EXOC3L1: variants seen among roughly 807,000 people sequenced by gnomAD.
EXOC3L1 encodes exocyst complex component 3 like 1, also known as exocyst complex component 3-like protein.
A neutral mutation model predicts 83.6 loss-of-function variants in EXOC3L1; 79 were observed. That is an observed-to-expected ratio of 0.95 (90% CI 0.79 to 1.14). The LOEUF (loss-of-function observed/expected upper bound fraction) is 1.14, where lower values mean the gene tolerates loss of function less well. Among genes scored for constraint, EXOC3L1 ranks in the 50% most tolerant of loss-of-function variants. The pLI, the probability that EXOC3L1 is intolerant of heterozygous loss-of-function variation, is 0.00. For synonymous variants in EXOC3L1, 433 were observed against 451.2 expected (o/e 0.96, Z 0.51); for missense variants, 945 against 972.0 (o/e 0.97, Z 0.37).
At chr16:67,185,631 C>G in intron 9 of EXOC3L1, 141 bp from the exon 10 acceptor site, 1 of 761,460 alleles carries the variant, frequency 1.3e-6, no homozygotes, top group Non-Finnish European at 2.1e-6. Flanking sequence ...ACTTCTGGTC[C>G]CAGGCATGGA....
rs1175097258 is a variant in EXOC3L1 at position 67,187,716 on chromosome 16, C to T, written c.549G>A (p.Leu183=). 1.2e-6 allele frequency: 2 copies of T among 1,612,984 alleles called. No individual in the cohort carries two copies. The highest frequency in any genetic ancestry group is 1.1e-5 in the South Asian group (1 of 91,094). The change falls in exon 5 of 14, where the codon CTG becomes CTA. Residue 183 remains leucine, a synonymous_variant. Transcript: ENST00000314586. Reference sequence around the variant, plus strand: ...CCAGCCCCTGGAAGACTGGCAACTCCAGGCCCCCCAGGGGTGCCCACGTAT... The same window carrying T: ...CCAGCCCCTGGAAGACTGGCAACTCTAGGCCCCCCAGGGGTGCCCACGTAT... ...REDTWAPLGG[L]ELPVFQGLDL...
At chr16:67,186,727 GCTGC>G (rs2032735763) in intron 7 of EXOC3L1, 28 bp downstream of exon 7, 1 of 1,613,380 alleles carries the variant, frequency 6.2e-7, no homozygotes, top group African/African-American at 1.3e-5. Flanking sequence ...CCCCATGGAG[GCTGC>G]CTGCCTGTCT....
Position 67,185,344 on chromosome 16 carries a change from C to T in EXOC3L1, c.1626+17G>A. On this transcript the variant is annotated intron_variant, in intron 10 of 13. Coordinates refer to ENST00000314586, the MANE Select transcript of EXOC3L1 (RefSeq NM_178516.4). ...ACCTCTCCACCTGCTCCCATCCTGA[C>T]CTGAAGGAGGCCTCACCTGGAGCTC... The T allele has an allele frequency of 6.2e-7, 1 of 1,612,936 alleles. No individual in the cohort carries two copies. The highest frequency in any genetic ancestry group is 1.3e-5 in the African/African-American group (1 of 75,060).
chr16:67,184,977 T>A lies in EXOC3L1; in HGVS notation c.1830A>T (p.Gly610=), dbSNP rs779184172. The A allele has an allele frequency of 6.2e-7, 1 of 1,609,858 alleles. No individual in the cohort carries two copies. The highest frequency in any genetic ancestry group is 1.3e-5 in the African/African-American group (1 of 74,756). ...CGGCCGCCTGGGTCCTCTCGTCGGC[T>A]CCGCGGCACACCAGGCGGCCTTGCA... is the stretch of plus-strand genomic sequence containing the variant. The part of the protein sequence containing the change: ...ALMQGRLVCR[G]ADERTQAAER... The change falls in exon 12 of 14, where the codon GGA becomes GGT. Residue 610 remains glycine (G), a synonymous_variant. Coordinates refer to ENST00000314586, the MANE Select transcript of EXOC3L1 (RefSeq NM_178516.4).
intron 1 of EXOC3L1, 65 bp from the exon 2 acceptor site, chr16:67,189,748 C>T (rs1293039241): frequency 3.3e-6 from 5 of 1,498,220 alleles, no homozygotes; most frequent in Non-Finnish European, 4.6e-6. Flanking sequence ...CTGTGAGCTG[C>T]TGCCTCTGTC....
Position 67,189,680 on chromosome 16 carries a change from G to A in EXOC3L1, c.-4C>T. 1 of 1,613,976 alleles carries A rather than the reference G, an allele frequency of 6.2e-7. No homozygotes were observed. Among genetic ancestry groups the A allele is most frequent in the Non-Finnish European group, 8.5e-7 (1 of 1,179,942 alleles). On this transcript the variant is annotated 5_prime_UTR_variant, in exon 2 of 14. Coordinates refer to ENST00000314586, the MANE Select transcript of EXOC3L1 (RefSeq NM_178516.4). ...CATCCTTGGCTGCTGAGTCCATTGT[G>A]GGCCTGGAGGAGCCAGAGCTGAGGT...
At position 67,188,888 on chromosome 16, in the gene EXOC3L1, G is replaced by T. The variant is rs530101148; in HGVS notation, c.260C>A (p.Ala87Asp). The T allele has an allele frequency of 3.9e-5, 63 of 1,613,004 alleles. No homozygotes were observed. The South Asian group carries it at 6.8e-4, about 17-fold the overall frequency. The stretch of plus-strand genomic sequence containing the variant: ...TCCCTGCACCACCTCAATGGCCTGG[G>T]CCAGCTGCCACACACCAGTCTGCAC... Reference protein sequence around the residue: ...EGVQTGVWQLAQAIEVVQGTR... With the variant: ...EGVQTGVWQLDQAIEVVQGTR... The change falls in exon 4 of 14, where the codon GCC becomes GAC. Residue 87 changes from alanine to aspartate, a missense_variant. Transcript: ENST00000314586.
rs200106540 is a variant in EXOC3L1 at position 67,188,765 on chromosome 16, T to C, written c.383A>G (p.Lys128Arg). 1.7e-5 allele frequency: 28 copies of C among 1,612,856 alleles called. No homozygotes were observed. Among genetic ancestry groups the C allele is most frequent in the Middle Eastern group, 3.3e-4 (2 of 5,986 alleles). The change falls in exon 4 of 14, where the codon AAG becomes AGG. Residue 128 changes from lysine to arginine, a missense_variant. By Grantham distance (26) the Lys-to-Arg change is conservative. Transcript: ENST00000314586. ...CAGGTGAGACAGGGCCTGCAGTTGCTTGTGCTGGGCAACCCGCTCCCGTAG... is the reference window on the plus strand; with the variant it reads ...CAGGTGAGACAGGGCCTGCAGTTGCCTGTGCTGGGCAACCCGCTCCCGTAG... ...EPLRERVAQHKQLQALSHLLP... is the reference protein window; with the variant it reads ...EPLRERVAQHRQLQALSHLLP...
In EXOC3L1 at chr16:67,187,604, C is replaced by G; in HGVS notation, c.661G>C (p.Val221Leu). 6.2e-7 allele frequency: 1 copy of G among 1,608,212 alleles called. No homozygotes were observed. The highest frequency in any genetic ancestry group is 1.1e-5 in the South Asian group (1 of 90,900). Reference sequence around the variant, plus strand: ...ACCTCCGCCACACGCACAGCAGCCACCAACAGGGCTGGGTCCTCCCGTGCC... The same window carrying G: ...ACCTCCGCCACACGCACAGCAGCCAGCAACAGGGCTGGGTCCTCCCGTGCC... Reference protein sequence around the residue: ...KLAREDPALLVAAVRVAEVET... With the variant: ...KLAREDPALLLAAVRVAEVET... The change falls in exon 5 of 14, where the codon GTG (valine) becomes CTG (leucine). Residue 221 changes from valine to leucine, a missense_variant. By Grantham distance (32) the Val-to-Leu change is conservative. Coordinates refer to ENST00000314586, the MANE Select transcript of EXOC3L1 (RefSeq NM_178516.4).
rs377250091 is a variant in EXOC3L1, at chr16:67,187,604, C to A, written c.661G>T (p.Val221Leu). ...KLAREDPALLVAAVRVAEVET... is the reference protein window; with the variant it reads ...KLAREDPALLLAAVRVAEVET... ...ACCTCCGCCACACGCACAGCAGCCA[C>A]CAACAGGGCTGGGTCCTCCCGTGCC... The change falls in exon 5 of 14, where the codon GTG becomes TTG. Residue 221 changes from valine to leucine, a missense_variant. Physicochemically the swap from Val to Leu is conservative, Grantham distance 32 (BLOSUM62 1). Transcript: ENST00000314586. 12 of 1,608,094 alleles carry A rather than the reference C, an allele frequency of 7.5e-6. No homozygotes were observed. The highest frequency in any genetic ancestry group is 1.0e-5 in the Non-Finnish European group (12 of 1,178,576).
chr16:67,188,588 G>A (rs1021530201), intron 4 of EXOC3L1, 133 bp downstream of exon 4: 34 of 834,568 alleles, frequency 4.1e-5, no homozygotes, highest in Non-Finnish European at 5.5e-5. Context: ...TGGGAAGCCC[G>A]GGCTACTGTC....
Position 67,189,129 on chromosome 16 carries a change from G to C in EXOC3L1, c.98C>G (p.Ala33Gly). The part of the protein sequence containing the change: ...ERAEQLARGA[A>G]LKWASGIFYR... ...GAAGATGCCTGAGGCCCACTTGAGC[G>C]CTGCACCCCGGGCCAGCTGCTCTGC... is the stretch of plus-strand genomic sequence containing the variant. The change falls in exon 3 of 14, where the codon GCG becomes GGG. Residue 33 changes from alanine (A) to glycine (G), a missense_variant. Transcript: ENST00000314586. The C allele has an allele frequency of 6.2e-7, 1 of 1,607,430 alleles. No homozygotes were observed. Among genetic ancestry groups the C allele is most frequent in the Non-Finnish European group, 8.5e-7 (1 of 1,179,314 alleles).
Position 67,185,460 on chromosome 16 carries a change from C to T in EXOC3L1, c.1527G>A (p.Gly509=), listed in dbSNP as rs575513337. The change falls in exon 10 of 14, where the codon GGG becomes GGA. Residue 509 remains glycine, a synonymous_variant. Coordinates refer to ENST00000314586, the MANE Select transcript of EXOC3L1 (RefSeq NM_178516.4). The part of the protein sequence containing the change: ...SSSVSVLQLD[G]APSGALAPVE... Reference sequence around the variant, plus strand: ...CTGGAGCCAAGGCCCCTGAAGGCGCCCCGTCCAGCTGCAGGACAGACACTG... The same window carrying T: ...CTGGAGCCAAGGCCCCTGAAGGCGCTCCGTCCAGCTGCAGGACAGACACTG... The T allele has an allele frequency of 6.2e-7, 1 of 1,610,468 alleles. No homozygotes were observed. The highest frequency in any genetic ancestry group is 1.3e-5 in the African/African-American group (1 of 75,062).
chr16:67,184,641 TC>T, intron 13 of EXOC3L1, 37 bp from the exon 14 acceptor site: 1 of 1,581,396 alleles, frequency 6.3e-7, no homozygotes. Flanking sequence ...AGCCCCGTCC[TC>T]CCCGCCCTCC....
At chr16:67,187,204 C>T (rs201733965) in intron 5 of EXOC3L1, 21 bp downstream of exon 5, 43 of 1,609,346 alleles carry the variant, frequency 2.7e-5, no homozygotes, top group South Asian at 4.4e-5. Context: ...CCCCATGTCC[C>T]GCTGCCCCAA....
At position 67,185,492 on chromosome 16, in the gene EXOC3L1, T is replaced by C. The variant is rs914654967; in HGVS notation, c.1497-2A>G. 3 of 1,605,816 alleles carry C rather than the reference T, an allele frequency of 1.9e-6. No individual in the cohort carries two copies. The highest frequency in any genetic ancestry group is 1.7e-6 in the Non-Finnish European group (2 of 1,179,900). The stretch of plus-strand genomic sequence containing the variant: ...AGCTGCAGGACAGACACTGAGGAGC[T>C]GGACCAAGCAAAACTACGGCTTCAG... On this transcript the variant is annotated splice_acceptor_variant, in intron 9 of 13. Transcript: ENST00000314586. LOFTEE classifies it high-confidence loss of function.
Position 67,188,794 on chromosome 16 carries a change from C to T in EXOC3L1, c.354G>A (p.Glu118=). ...GCTGGGCAACCCGCTCCCGTAGGGG[C>T]TCTAGAGTCTGTAAGGCCTGGGACA... ...QGMSQALQTL[E]PLRERVAQHK... Residue 118 remains glutamate (E), a synonymous_variant, in exon 4 of 14, where the codon GAG becomes GAA. Coordinates refer to ENST00000314586, the MANE Select transcript of EXOC3L1 (RefSeq NM_178516.4). The T allele has an allele frequency of 6.2e-7, 1 of 1,613,340 alleles. No individual in the cohort carries two copies. Among genetic ancestry groups the T allele is most frequent in the Non-Finnish European group, 8.5e-7 (1 of 1,180,014 alleles).
In EXOC3L1 at chr16:67,187,323, A is replaced by G. The variant is rs776339789; in HGVS notation, c.942T>C (p.Ser314=). 4.0e-5 allele frequency: 64 copies of G among 1,612,818 alleles called. No homozygotes were observed. The highest frequency in any genetic ancestry group is 4.7e-5 in the Non-Finnish European group (56 of 1,180,014). Residue 314 remains serine, a synonymous_variant, in exon 5 of 14, where the codon AGT becomes AGC. Transcript: ENST00000314586. ...VVQLWAHTLH[S]GLRRSLQNLL... ...GGTTCTGCAGGCTGCGGCGCAAACC[A>G]CTATGCAGCGTGTGGGCCCATAGCT... is the stretch of plus-strand genomic sequence containing the variant.
In EXOC3L1 at chr16:67,189,073, G is replaced by A; in HGVS notation, c.154C>T (p.Gln52Ter). The stretch of plus-strand genomic sequence containing the variant: ...CGCTGCACCTCGCGGCTGCGGTACT[G>A]GCCTAGCCTGGCCAGCTGCTCCGGC... ...YRPEQLARLG[Q>*]YRSREVQRTC... is the part of the protein sequence containing the mutation. The change falls in exon 3 of 14, where the codon CAG becomes TAG. Residue 52 changes from glutamine to a stop codon, truncating the protein, a stop_gained. Transcript: ENST00000314586. LOFTEE classifies it high-confidence loss of function. 2 of 1,607,818 alleles carry A rather than the reference G, an allele frequency of 1.2e-6. No homozygotes were observed. The highest frequency in any genetic ancestry group is 8.5e-7 in the Non-Finnish European group (1 of 1,178,568).
Sources: allele counts gnomAD v4.1 joint callset, GRCh38; gene constraint gnomAD v4.1.1; transcripts MANE v1.5; gene names NCBI Gene and HGNC (gene_info 2026-07-23, HGNC 2026-07-21).